LRIG1: variants seen among roughly 807,000 people sequenced by gnomAD.
LRIG1 encodes the protein leucine-rich repeats and immunoglobulin-like domains protein 1.
Under a neutral mutation model 99.2 loss-of-function variants are expected in LRIG1, and 48 were observed. The observed-to-expected ratio is 0.48, with a 90% CI of 0.38 to 0.62. The LOEUF (loss-of-function observed/expected upper bound fraction) is 0.62. LRIG1 is among the 20% of genes least tolerant of loss of function. The probability of loss-of-function intolerance (pLI) is 0.00; values close to 1 mark genes in which losing one functional copy is unlikely to be tolerated. For synonymous variants in LRIG1, 772 were observed against 596.1 expected, an observed-to-expected ratio of 1.29 and a Z score of -4.30; for missense variants, 1,646 against 1,434.4, an observed-to-expected ratio of 1.15 and a Z score of -2.38.
intron 3 of LRIG1, among the ~76,000 whole-genome samples, chr3:66,443,751 T>C (rs1366839008): frequency 1.3e-5 from 2 of 152,154 alleles, no homozygotes; most frequent in East Asian, 1.9e-4. Context: ...AGGCCTTGAG[T>C]GGGGCATGTG....
chr3:66,421,470 A>G (rs6766892), intron 3 of LRIG1, among the ~76,000 whole-genome samples: 111,046 of 152,162 alleles, frequency 0.73, 42,173 homozygotes, highest in Non-Finnish European at 0.85. Flanking sequence ...ATGCAAGTCC[A>G]AAATCCAGCG....
rs1388171226 is a variant in LRIG1 at position 66,500,503 on chromosome 3, C to T, written c.-96G>A. On this transcript the variant is annotated 5_prime_UTR_variant, in exon 1 of 19. An upstream open reading frame in the 5' UTR loses its in-frame stop. Coordinates refer to ENST00000273261, the MANE Select transcript of LRIG1 (RefSeq NM_015541.3). ...GGCCCGCGGGGCGCTCCGCTCGGCT[C>T]TAGACTCCGCACCGGGGCATGGCCC... is the stretch of plus-strand genomic sequence containing the variant. 2 of 608,546 alleles carry T rather than the reference C, an allele frequency of 3.3e-6. No individual in the cohort carries two copies. The highest frequency in any genetic ancestry group is 4.9e-6 in the Non-Finnish European group (2 of 406,970). 37.7% of individuals were successfully genotyped at this position (608,546 alleles called of 1,614,324 possible). A position where few individuals can be genotyped will look rare whatever the true frequency, so the allele number is the denominator to read the frequency against.
intron 3 of LRIG1, among the ~76,000 whole-genome samples, chr3:66,442,960 C>T (rs1703592142): frequency 6.6e-6 from 1 of 151,986 alleles, no homozygotes; most frequent in South Asian, 2.1e-4. Flanking sequence ...CACCCCCACT[C>T]TCAAAGAAAG....
At position 66,379,652 on chromosome 3, in the gene LRIG1, T is replaced by G. The variant is rs1160178470; in HGVS notation, c.*611A>C. ...AAAAGGAAAAGCCATTCACTGCAAG[T>G]GTGGATGGCACTTGCACCCCTGGCT... is the stretch of plus-strand genomic sequence containing the variant. On this transcript the variant is annotated 3_prime_UTR_variant, in exon 19 of 19. Transcript: ENST00000273261. 3 of 152,178 alleles carry G rather than the reference T, an allele frequency of 2.0e-5. No homozygotes were observed. Among genetic ancestry groups the G allele is most frequent in the Admixed American group, 1.3e-4 (2 of 15,282 alleles). The allele number at this position is 152,178 out of a possible 1,614,324, so 9.4% of individuals were successfully genotyped here. A position where few individuals can be genotyped will look rare whatever the true frequency, so the allele number is the denominator to read the frequency against.
chr3:66,428,932 C>G (rs1703067547), intron 3 of LRIG1, among the ~76,000 whole-genome samples: 1 of 152,232 alleles, frequency 6.6e-6, no homozygotes, highest in Non-Finnish European at 1.5e-5. Context: ...TTGGCAGATT[C>G]TCAGCCTGGC....
At chr3:66,448,044 TTC>T (rs1703785132) in intron 3 of LRIG1, among the ~76,000 whole-genome samples, 4 of 152,234 alleles carry the variant, frequency 2.6e-5, no homozygotes, top group Admixed American at 2.0e-4. Context: ...GTTCTATGCT[TTC>T]TGTTTATTAA....
chr3:66,380,262 C>T lies in LRIG1; in HGVS notation c.*1G>A. On this transcript the variant is annotated 3_prime_UTR_variant, in exon 19 of 19. Transcript: ENST00000273261. ...ATGACAAGAACTGAGGTAGACAAAA[C>T]CTAGCTTTTTGGTGCCAACAGCAGT... 1 of 1,609,348 alleles carries T rather than the reference C, an allele frequency of 6.2e-7. No homozygotes were observed. The highest frequency in any genetic ancestry group is 8.5e-7 in the Non-Finnish European group (1 of 1,177,074).
chr3:66,413,296 G>A (rs1218939684), intron 5 of LRIG1, among the ~76,000 whole-genome samples: 1 of 152,210 alleles, frequency 6.6e-6, no homozygotes, highest in East Asian at 1.9e-4. Flanking sequence ...AAGAGAACGC[G>A]TGTGTGCTCA....
At chr3:66,412,412 G>A (rs1474078556) in intron 6 of LRIG1, among the ~76,000 whole-genome samples, 3 of 152,184 alleles carry the variant, frequency 2.0e-5, no homozygotes, top group Non-Finnish European at 4.4e-5. Flanking sequence ...AGCAGTCCTG[G>A]CAGAATGGCC....
intron 7 of LRIG1, among the ~76,000 whole-genome samples, chr3:66,409,510 G>T (rs750372868): frequency 6.6e-6 from 1 of 152,212 alleles, no homozygotes; most frequent in African/African-American, 2.4e-5. Context: ...AAAGGAGCAA[G>T]AGGACCACAC....
intron 8 of LRIG1, 86 bp downstream of exon 8, chr3:66,407,262 A>T: frequency 6.9e-7 from 1 of 1,453,666 alleles, no homozygotes; most frequent in South Asian, 1.2e-5. Flanking sequence ...AGCCAACGCA[A>T]ATGGAGTTCA....
chr3:66,412,768 C>T lies in LRIG1; in HGVS notation c.791+103G>A, dbSNP rs545853442. ...GGCGCACACACCCAACACACAGCAA[C>T]GTTGGTGTTGGTGCGCACATGCATG... On this transcript the variant is annotated intron_variant, in intron 6 of 18. Coordinates refer to ENST00000273261, the MANE Select transcript of LRIG1 (RefSeq NM_015541.3). 3.0e-6 allele frequency: 4 copies of T among 1,353,496 alleles called. No homozygotes were observed. In the South Asian group the frequency reaches 3.8e-5, roughly 13 times the overall value. The allele number at this position is 1,353,496 out of a possible 1,614,324, so 83.8% of individuals were successfully genotyped here. A position where few individuals can be genotyped will look rare whatever the true frequency, so the allele number is the denominator to read the frequency against.
intron 13 of LRIG1, 83 bp downstream of exon 13, chr3:66,385,898 A>C (rs1019077343): frequency 8.0e-7 from 1 of 1,251,740 alleles, no homozygotes; most frequent in African/African-American, 1.5e-5. Context: ...TGTCTCAGTC[A>C]TCTCTACATG....
chr3:66,393,864 A>T (rs1575655274), intron 12 of LRIG1, among the ~76,000 whole-genome samples, 176 bp downstream of exon 12: 3 of 152,268 alleles, frequency 2.0e-5, no homozygotes, highest in Admixed American at 2.0e-4. Context: ...TAATGAGGCA[A>T]CTCTACGGTA....
chr3:66,429,668 C>T (rs1703092102), intron 3 of LRIG1, among the ~76,000 whole-genome samples: 1 of 152,046 alleles, frequency 6.6e-6, no homozygotes, highest in Non-Finnish European at 1.5e-5. Flanking sequence ...TTTGTCAGAA[C>T]CAAGACTGAA....
Position 66,398,924 on chromosome 3 carries a change from G to A in LRIG1, c.1232+46C>T, listed in dbSNP as rs767883084. ...TTGCTAGCAGAACTCCCCGGCAGCC[G>A]CATTCAGCAGGCTGTGCCTCAGGGC... On this transcript the variant is annotated intron_variant, in intron 10 of 18. Coordinates refer to ENST00000273261, the MANE Select transcript of LRIG1 (RefSeq NM_015541.3). 3.4e-5 allele frequency: 52 copies of A among 1,520,266 alleles called. No individual in the cohort carries two copies. The East Asian group carries it at 8.3e-4, about 24-fold the overall frequency. 94.2% of individuals were successfully genotyped at this position (1,520,266 alleles called of 1,614,324 possible). A position where few individuals can be genotyped will look rare whatever the true frequency, so the allele number is the denominator to read the frequency against.
intron 1 of LRIG1, chr3:66,468,895 A>G (rs969640920): frequency 1.3e-5 from 2 of 152,250 alleles, no homozygotes; most frequent in Admixed American, 6.5e-5. Context: ...TCAAGCTCCA[A>G]TGAAATCACC....
chr3:66,470,626 C>T (rs1700574886), intron 1 of LRIG1, among the ~76,000 whole-genome samples: 1 of 152,188 alleles, frequency 6.6e-6, no homozygotes, highest in Non-Finnish European at 1.5e-5. Flanking sequence ...AACCCCAGTG[C>T]CAGGTCCCTC....
chr3:66,397,562 G>GAGCCCACAGTCCA (rs1396637432), intron 11 of LRIG1, among the ~76,000 whole-genome samples: 3 of 151,530 alleles, frequency 2.0e-5, no homozygotes, highest in African/African-American at 7.3e-5. Flanking sequence ...TGTCACCCAA[G>GAGCCCACAGTCCA]AGCCCACAGT....
Sources: allele counts gnomAD v4.1 joint callset (sites outside exome capture counted in the v4.1 genomes callset), GRCh38; gene constraint gnomAD v4.1.1; transcripts MANE v1.5; gene names NCBI Gene and HGNC (gene_info 2026-07-23, HGNC 2026-07-21).